Variants in GPHN observed in about 807,000 individuals in gnomAD.
GPHN encodes gephyrin.
In GPHN, 17 loss-of-function variants were observed where a neutral mutation model predicts 95.5. That is an observed-to-expected ratio of 0.18 (90% confidence interval 0.12 to 0.27). The LOEUF is 0.27. GPHN is among the 10% of genes least tolerant of loss of function. The probability of loss-of-function intolerance (pLI) is 1.00; values close to 1 mark genes in which losing one functional copy is unlikely to be tolerated. For missense variants in GPHN, 660 were observed against 978.1 expected (o/e 0.67, Z 4.34); for synonymous variants, 320 against 322.5 (o/e 0.99, Z 0.08).
At chr14:67,335,885 CTCT>C in the GPHN span, 48 of 152,372 alleles carry the variant, frequency 3.2e-4, no homozygotes, top group African/African-American at 1.1e-3. Context: ...GACCACCCTC[CTCT>C]TCAAGTTTTT....
intron 2 of GPHN, among the ~76,000 whole-genome samples, chr14:66,755,029 T>C (rs1043843282): frequency 1.3e-5 from 2 of 152,060 alleles, no homozygotes; most frequent in Non-Finnish European, 2.9e-5. Context: ...AATATATGAC[T>C]GTTAATTTTG....
chr14:67,667,673 G>A, the GPHN span, among the ~76,000 whole-genome samples: 1 of 152,138 alleles, frequency 6.6e-6, no homozygotes, highest in African/African-American at 2.4e-5. Context: ...GGCCAGGCGC[G>A]GTGGCTCACG....
the GPHN span, chr14:67,722,358 C>T: frequency 3.8e-6 from 2 of 530,726 alleles, no homozygotes; most frequent in African/African-American, 1.9e-5. Flanking sequence ...CTTTAGTTTC[C>T]CCACATTCTC....
chr14:66,614,239 G>A (rs2153296101), intron 1 of GPHN, among the ~76,000 whole-genome samples: 1 of 152,152 alleles, frequency 6.6e-6, no homozygotes, highest in African/African-American at 2.4e-5. Context: ...ATTATTATTA[G>A]TAGTTTGGAA....
At chr14:67,413,426 G>T in the GPHN span, among the ~76,000 whole-genome samples, 1 of 152,194 alleles carries the variant, frequency 6.6e-6, no homozygotes, top group East Asian at 1.9e-4. Context: ...CCAGTTTGAA[G>T]GGCCCTGTCA....
intron 1 of GPHN, among the ~76,000 whole-genome samples, chr14:66,651,159 G>A (rs2065022100): frequency 6.6e-6 from 1 of 152,144 alleles, no homozygotes; most frequent in Non-Finnish European, 1.5e-5. Flanking sequence ...TAGGAGAATA[G>A]TTCTTTTCTT....
chr14:67,593,084 G>T, the GPHN span, among the ~76,000 whole-genome samples: 3 of 152,220 alleles, frequency 2.0e-5, no homozygotes, highest in Admixed American at 2.0e-4. Flanking sequence ...ACCACACCTG[G>T]CCACATTCTA....
In GPHN at chr14:66,681,251, AAG is replaced by A. The variant is rs1397192993; in HGVS notation, c.143+69_143+70del. 102 of 1,020,020 alleles carry A rather than the reference AAG, an allele frequency of 1.0e-4. 1 individual carries two copies. Among genetic ancestry groups the A allele is most frequent in the Non-Finnish European group, 1.4e-4 (91 of 658,270 alleles). The allele number at this position is 1,020,020 out of a possible 1,614,324, so 63.2% of individuals were successfully genotyped here. A position where few individuals can be genotyped will look rare whatever the true frequency, so the allele number is the denominator to read the frequency against. ...TTATTATTAGTGTTCCTTTTCTCAA[AAG>A]AGTTTTATGTGAAAACTTATTTAAG... On this transcript the variant is annotated intron_variant, in intron 2 of 22. Transcript: ENST00000478722.
chr14:67,593,903 A>G, the GPHN span: 1 of 1,613,750 alleles, frequency 6.2e-7, no homozygotes, highest in South Asian at 1.1e-5. Flanking sequence ...GAGATAACCA[A>G]GCAGACCTAA....
chr14:67,132,596 C>T (rs1010164084), intron 17 of GPHN, among the ~76,000 whole-genome samples: 3 of 152,004 alleles, frequency 2.0e-5, no homozygotes, highest in East Asian at 1.9e-4. Flanking sequence ...TGTTTAATGA[C>T]GAGAGGTTCT....
the GPHN span, among the ~76,000 whole-genome samples, chr14:67,368,908 T>C: frequency 6.6e-6 from 1 of 151,808 alleles, no homozygotes; most frequent in Admixed American, 6.6e-5. Context: ...CAAAGATATA[T>C]TAAAATGGAA....
chr14:66,793,491 T>C (rs576304587), intron 3 of GPHN, among the ~76,000 whole-genome samples: 1 of 152,302 alleles, frequency 6.6e-6, no homozygotes, highest in East Asian at 1.9e-4. Flanking sequence ...CCTTTCGGTT[T>C]CTTTAATAGA....
intron 3 of GPHN, among the ~76,000 whole-genome samples, chr14:66,822,879 G>A (rs758503876): frequency 1.1e-4 from 16 of 152,246 alleles, no homozygotes; most frequent in South Asian, 2.1e-4. Context: ...TTTCACTACC[G>A]TAATGGAAGT....
intron 11 of GPHN, among the ~76,000 whole-genome samples, chr14:67,076,252 T>C (rs1478659515): frequency 1.3e-5 from 2 of 151,874 alleles, no homozygotes; most frequent in East Asian, 3.9e-4. Context: ...AGCAATAAAG[T>C]ATTTTTTAAA....
At chr14:66,750,087 T>G (rs999985140) in intron 2 of GPHN, among the ~76,000 whole-genome samples, 3 of 151,984 alleles carry the variant, frequency 2.0e-5, no homozygotes, top group African/African-American at 7.2e-5. Context: ...AGTTGTTAAT[T>G]TTAATGAAAT....
the GPHN span, chr14:67,390,729 G>A: frequency 6.2e-7 from 1 of 1,613,088 alleles, no homozygotes; most frequent in Non-Finnish European, 8.5e-7. Context: ...GCACCTTCCA[G>A]TTTTTCCTCT....
At chr14:67,317,382 T>C in the GPHN span, 35 of 1,571,546 alleles carry the variant, frequency 2.2e-5, no homozygotes, top group Admixed American at 3.5e-5. Context: ...AACACATTTA[T>C]AGTTATGTTT....
At chr14:67,646,632 T>C in the GPHN span, 1 of 1,578,486 alleles carries the variant, frequency 6.3e-7, no homozygotes, top group Non-Finnish European at 8.7e-7. Flanking sequence ...TGTCCATTTC[T>C]CCCTTTCATA....
At chr14:67,675,835 C>G in the GPHN span, among the ~76,000 whole-genome samples, 19,210 of 152,108 alleles carry the variant, frequency 0.13, 1,479 homozygotes, top group South Asian at 0.33. Context: ...TGGTGGCTCA[C>G]GCGTCATCCC....
Sources: gnomAD v4.1 joint callset for allele counts (sites outside exome capture counted in the v4.1 genomes callset) on GRCh38, gnomAD v4.1.1 for gene constraint, MANE v1.5 for transcripts, NCBI Gene and HGNC (gene_info 2026-07-23, HGNC 2026-07-21) for gene names.